Variants in ADGRL3 observed in about 807,000 individuals in gnomAD.
ADGRL3 encodes the protein adhesion G protein-coupled receptor L3.
A neutral mutation model predicts 153.5 loss-of-function variants in ADGRL3; 62 were observed. The ratio of observed to expected loss-of-function variants is 0.40; its 90% confidence interval spans 0.33 to 0.50. The LOEUF is 0.50. Among genes scored for constraint, ADGRL3 ranks in the 20% least tolerant of loss-of-function variants. ADGRL3 has a pLI of 0.47. For missense variants in ADGRL3, 1,641 were observed against 1,859.4 expected, an observed-to-expected ratio of 0.88 and a Z score of 2.16; for synonymous variants, 710 against 672.5, an observed-to-expected ratio of 1.06 and a Z score of -0.86.
At chr4:61,804,275 G>T (rs746933575) in intron 8 of ADGRL3, among the ~76,000 whole-genome samples, 1 of 151,944 alleles carries the variant, frequency 6.6e-6, no homozygotes, top group Non-Finnish European at 1.5e-5. Context: ...CAGGTCTTTG[G>T]GGGCATATAT....
At chr4:61,507,177 G>T (rs1031970246) in intron 3 of ADGRL3, among the ~76,000 whole-genome samples, 1 of 152,078 alleles carries the variant, frequency 6.6e-6, no homozygotes, top group African/African-American at 2.4e-5. Context: ...AAACCATGCA[G>T]ACCTTCAGGG....
intron 2 of ADGRL3, among the ~76,000 whole-genome samples, chr4:61,488,535 G>A (rs1430055123): frequency 6.6e-6 from 1 of 151,952 alleles, no homozygotes; most frequent in Non-Finnish European, 1.5e-5. Flanking sequence ...ATGGAGGCAT[G>A]ACTCAAAGTT....
chr4:61,792,152 T>C (rs1291017144), intron 8 of ADGRL3, among the ~76,000 whole-genome samples: 1 of 152,216 alleles, frequency 6.6e-6, no homozygotes, highest in Non-Finnish European at 1.5e-5. Flanking sequence ...ACTTTTATGC[T>C]CTGCTTCCCT....
intron 1 of ADGRL3, among the ~76,000 whole-genome samples, chr4:61,206,228 TA>T (rs1216063624): frequency 6.6e-6 from 1 of 152,184 alleles, no homozygotes; most frequent in Non-Finnish European, 1.5e-5. Flanking sequence ...AAATAGGTGT[TA>T]AAAGAAGTGA....
intron 17 of ADGRL3, among the ~76,000 whole-genome samples, chr4:61,952,843 C>G (rs963146255): frequency 6.6e-6 from 1 of 152,200 alleles, no homozygotes; most frequent in Non-Finnish European, 1.5e-5. Context: ...ATGCTCAGTT[C>G]ATTGCCTAAC....
intron 4 of ADGRL3, among the ~76,000 whole-genome samples, chr4:61,545,666 A>G (rs2098710158): frequency 6.6e-6 from 1 of 152,072 alleles, no homozygotes; most frequent in Admixed American, 6.6e-5. Flanking sequence ...GGCGCACGCC[A>G]CCACACCCAC....
chr4:61,205,062 G>GAT (rs1736495812), intron 1 of ADGRL3, among the ~76,000 whole-genome samples: 1 of 152,186 alleles, frequency 6.6e-6, no homozygotes, highest in African/African-American at 2.4e-5. Flanking sequence ...AGGAAAGGCA[G>GAT]ATTTTTTTTA....
At chr4:61,537,288 A>C (rs971546300) in intron 4 of ADGRL3, among the ~76,000 whole-genome samples, 2 of 151,154 alleles carry the variant, frequency 1.3e-5, no homozygotes, top group African/African-American at 4.9e-5. Context: ...TAAGTGATTT[A>C]CCCTTTTCTC....
At chr4:61,690,263 A>G (rs79818117) in intron 6 of ADGRL3, among the ~76,000 whole-genome samples, 2,851 of 152,020 alleles carry the variant, frequency 0.019, 111 homozygotes, top group African/African-American at 0.065. Flanking sequence ...TTGGTAACAT[A>G]GTGAGACCAT....
intron 25 of ADGRL3, among the ~76,000 whole-genome samples, chr4:62,048,237 A>G (rs1732191525): frequency 6.6e-6 from 1 of 151,668 alleles, no homozygotes; most frequent in Non-Finnish European, 1.5e-5. Flanking sequence ...CTGTTTATCT[A>G]TTTATTTACT....
intron 2 of ADGRL3, among the ~76,000 whole-genome samples, chr4:61,479,978 A>T (rs1324602036): frequency 6.6e-6 from 1 of 152,082 alleles, no homozygotes; most frequent in African/African-American, 2.4e-5. Flanking sequence ...CAATCAAGCT[A>T]GTTAACATGT....
chr4:61,921,754 C>T (rs2098770464), intron 13 of ADGRL3, among the ~76,000 whole-genome samples: 1 of 152,074 alleles, frequency 6.6e-6, no homozygotes, highest in Admixed American at 6.6e-5. Flanking sequence ...TTACTCATAT[C>T]TATATTTTTA....
intron 2 of ADGRL3, among the ~76,000 whole-genome samples, chr4:61,432,572 T>C (rs200206450): frequency 2.6e-4 from 3 of 11,512 alleles, no homozygotes; most frequent in African/African-American, 5.3e-4. Context: ...TTCTTTCTCT[T>C]CCTTTCTTTC....
At chr4:61,556,199 A>T (rs1043863428) in intron 4 of ADGRL3, among the ~76,000 whole-genome samples, 7 of 152,208 alleles carry the variant, frequency 4.6e-5, no homozygotes, top group Non-Finnish European at 1.0e-4. Flanking sequence ...GTGGAGAAAA[A>T]CAAGGTGGGG....
intron 1 of ADGRL3, among the ~76,000 whole-genome samples, chr4:61,285,630 A>G (rs2093908301): frequency 6.6e-6 from 1 of 151,800 alleles, no homozygotes; most frequent in Non-Finnish European, 1.5e-5. Flanking sequence ...TTCTAACCTC[A>G]CTTTTAATCT....
intron 23 of ADGRL3, among the ~76,000 whole-genome samples, 196 bp downstream of exon 23, chr4:62,031,806 C>A (rs1300798758): frequency 1.3e-5 from 2 of 151,264 alleles, no homozygotes; most frequent in Non-Finnish European, 3.0e-5. Context: ...TAGTAAAAAA[C>A]AATAAAAACA....
rs376260176 is a variant in ADGRL3, at chr4:61,835,778, G to A, written c.1480+21889G>A. Among the ~76,000 whole-genome samples, 1,383 of 151,940 alleles carry A rather than the reference G, an allele frequency of 9.1e-3. 25 individuals carry two copies. The highest frequency in any genetic ancestry group is 0.03 in the African/African-American group (1,254 of 41,410). On this transcript the variant is annotated intron_variant, in intron 9 of 26. Coordinates refer to ENST00000683033, the MANE Select transcript of ADGRL3 (RefSeq NM_001387552.1). ...GTTACATAAATAGCAAACCAGAAACGAATCATTCCAGAAGCCAAGAATTGA... is the reference window on the plus strand; with the variant it reads ...GTTACATAAATAGCAAACCAGAAACAAATCATTCCAGAAGCCAAGAATTGA...
At chr4:61,510,979 C>A (rs888161630) in intron 3 of ADGRL3, among the ~76,000 whole-genome samples, 3 of 152,158 alleles carry the variant, frequency 2.0e-5, no homozygotes, top group South Asian at 2.1e-4. Context: ...GATCTTTTCA[C>A]CCCCCTGATT....
intron 1 of ADGRL3, among the ~76,000 whole-genome samples, chr4:61,352,938 C>A (rs1395308617): frequency 6.6e-6 from 1 of 152,108 alleles, no homozygotes; most frequent in African/African-American, 2.4e-5. Context: ...TGAAAATATT[C>A]CAAGTGTGCT....
Sources: allele counts gnomAD v4.1 joint callset (sites outside exome capture counted in the v4.1 genomes callset), GRCh38; gene constraint gnomAD v4.1.1; transcripts MANE v1.5; gene names NCBI Gene and HGNC (gene_info 2026-07-23, HGNC 2026-07-21).